The following MYO16 variants were observed in gnomAD, a reference collection of about 807,000 sequenced individuals.
The protein encoded by MYO16 is unconventional myosin-XVI.
A neutral mutation model predicts 205.3 loss-of-function variants in MYO16; 94 were observed. The observed-to-expected ratio is 0.46, with a 90% CI of 0.39 to 0.54. The LOEUF (loss-of-function observed/expected upper bound fraction) is 0.54. Ranked by LOEUF, MYO16 falls within the 20% of genes least tolerant of loss-of-function variation. The pLI is 0.00. For missense variants in MYO16, 2,315 were observed against 2,387.5 expected (o/e 0.97, Z 0.63); for synonymous variants, 988 against 954.0 (o/e 1.04, Z -0.66).
intron 32 of MYO16, among the ~76,000 whole-genome samples, chr13:109,154,902 G>A (rs1007612828): frequency 2.1e-5 from 2 of 93,174 alleles, no homozygotes; most frequent in Non-Finnish European, 4.0e-5. Flanking sequence ...TGCATACTCG[G>A]CTAATTATGA....
At chr13:109,092,690 A>G (rs1888659551) in intron 27 of MYO16, among the ~76,000 whole-genome samples, 1 of 152,214 alleles carries the variant, frequency 6.6e-6, no homozygotes, top group South Asian at 2.1e-4. Flanking sequence ...TACCTATGTA[A>G]CAAACCTTCA....
At chr13:109,152,168 A>G (rs1337083125) in intron 32 of MYO16, among the ~76,000 whole-genome samples, 5 of 152,230 alleles carry the variant, frequency 3.3e-5, no homozygotes, top group Non-Finnish European at 5.9e-5. Flanking sequence ...ACCTTTGTAT[A>G]TATTACCAGT....
intron 18 of MYO16, among the ~76,000 whole-genome samples, chr13:108,961,908 G>T (rs984473475): frequency 3.9e-5 from 6 of 152,020 alleles, no homozygotes; most frequent in Non-Finnish European, 8.8e-5. Flanking sequence ...GCACATACTT[G>T]TTGTTTATTT....
intron 4 of MYO16, among the ~76,000 whole-genome samples, chr13:108,734,330 T>A (rs1884621716): frequency 2.6e-5 from 4 of 152,198 alleles, no homozygotes. Context: ...AGTGTGCAAT[T>A]AATTTCTATT....
chr13:109,137,511 T>A (rs1876835145), intron 31 of MYO16, among the ~76,000 whole-genome samples: 1 of 152,230 alleles, frequency 6.6e-6, no homozygotes. Flanking sequence ...CAGGGGCTGC[T>A]ATGTTTTAGC....
At position 108,802,552 on chromosome 13, in the gene MYO16, T is replaced by C. The variant is rs115043743; in HGVS notation, c.742-4127T>C. Among the ~76,000 whole-genome samples the C allele has an allele frequency of 4.1e-3, 626 of 152,288 alleles. 6 individuals are homozygous for C. Among genetic ancestry groups the C allele is most frequent in the African/African-American group, 0.014 (601 of 41,554 alleles). On this transcript the variant is annotated intron_variant, in intron 6 of 34. Transcript: ENST00000457511. ...TGCAGTGAGCATGGGAGTATGAATA[T>C]CCCTATGACATAGCAACTTCCATTC...
At chr13:109,179,436 A>G in intron 33 of MYO16, 106 bp from the exon 34 acceptor site, 1 of 728,800 alleles carries the variant, frequency 1.4e-6, no homozygotes, top group African/African-American at 1.7e-5. Flanking sequence ...TCATCATTTC[A>G]ATTCATAAAA....
At chr13:108,752,814 T>TTC (rs1885282963) in intron 4 of MYO16, among the ~76,000 whole-genome samples, 1 of 141,840 alleles carries the variant, frequency 7.1e-6, no homozygotes, top group Non-Finnish European at 1.5e-5. Context: ...GCTAATTTTT[T>TTC]TTTTTTTTTT....
At chr13:108,770,294 T>A (rs1232433326) in intron 4 of MYO16, among the ~76,000 whole-genome samples, 2 of 152,178 alleles carry the variant, frequency 1.3e-5, no homozygotes, top group Non-Finnish European at 2.9e-5. Context: ...AGATTAGAAA[T>A]TTGTTTTATT....
At chr13:109,109,435 G>A (rs991633516) in intron 28 of MYO16, among the ~76,000 whole-genome samples, 2 of 152,112 alleles carry the variant, frequency 1.3e-5, no homozygotes, top group African/African-American at 4.8e-5. Context: ...TTTAGAGAGG[G>A]TAGAACATGA....
rs529386115 is a variant in MYO16, at chr13:109,151,365, T to G, written c.5164+9989T>G. 2.0e-5 allele frequency among the ~76,000 whole-genome samples: 3 copies of G among 152,320 alleles called. No individual in the cohort carries two copies. In the South Asian group the frequency reaches 6.2e-4, roughly 32 times the overall value. On this transcript the variant is annotated intron_variant, in intron 32 of 34. Coordinates refer to ENST00000457511, the MANE Select transcript of MYO16 (RefSeq NM_001198950.3). ...GGGCAATTAGTGGCCATTTGCAAAT[T>G]TAATAACACATGTTAATTATGACAA...
chr13:109,191,222 A>AG (rs1162205896), intron 34 of MYO16, among the ~76,000 whole-genome samples: 1 of 150,664 alleles, frequency 6.6e-6, no homozygotes, highest in South Asian at 2.1e-4. Flanking sequence ...TCTGTCTCGA[A>AG]AAAAAAAAAA....
At chr13:109,049,777 G>T (rs979646793) in intron 24 of MYO16, among the ~76,000 whole-genome samples, 2 of 151,986 alleles carry the variant, frequency 1.3e-5, no homozygotes, top group African/African-American at 2.4e-5. Flanking sequence ...TTTTGAAGTG[G>T]TTTTAAACTT....
intron 33 of MYO16, among the ~76,000 whole-genome samples, chr13:109,174,332 A>T (rs1594158653): frequency 6.6e-6 from 1 of 152,308 alleles, no homozygotes; most frequent in African/African-American, 2.4e-5. Flanking sequence ...TCCAGGATAG[A>T]AAGAGAAAAG....
chr13:109,022,622 A>ATATATT (rs1267435609), intron 23 of MYO16, among the ~76,000 whole-genome samples: 35 of 131,256 alleles, frequency 2.7e-4, no homozygotes, highest in African/African-American at 9.5e-4. Context: ...AAACATATGT[A>ATATATT]TATATATTAT....
chr13:108,646,705 A>C (rs1456700782), intron 1 of MYO16, among the ~76,000 whole-genome samples: 1 of 152,200 alleles, frequency 6.6e-6, no homozygotes, highest in Admixed American at 6.5e-5. Context: ...TTGTGCTATG[A>C]AAGTATTCTG....
chr13:108,713,902 G>A (rs1331063234), intron 3 of MYO16, among the ~76,000 whole-genome samples: 1 of 152,074 alleles, frequency 6.6e-6, no homozygotes, highest in African/African-American at 2.4e-5. Context: ...TCCTCATATG[G>A]CTTCCATGAT....
At chr13:108,618,924 A>G (rs934566243) in intron 1 of MYO16, among the ~76,000 whole-genome samples, 5 of 152,174 alleles carry the variant, frequency 3.3e-5, no homozygotes, top group Non-Finnish European at 5.9e-5. Flanking sequence ...TACGTGTGCA[A>G]CCACCACGAG....
At position 108,752,808 on chromosome 13, in the gene MYO16, A is replaced by ATTTT. The variant is rs58645882; in HGVS notation, c.507+25247_507+25250dup. Among the ~76,000 whole-genome samples, 879 of 88,304 alleles carry ATTTT rather than the reference A, an allele frequency of 1.0e-2. 58 individuals are homozygous for ATTTT. Among genetic ancestry groups the ATTTT allele is most frequent in the Admixed American group, 0.017 (122 of 7,170 alleles). The allele number at this position is 88,304 out of a possible 152,430, so 57.9% of individuals were successfully genotyped here. On this transcript the variant is annotated intron_variant, in intron 4 of 34. Coordinates refer to ENST00000457511, the MANE Select transcript of MYO16 (RefSeq NM_001198950.3). Reference sequence around the variant, plus strand: ...AGACACCTGCCACCGTGCCCAGCTAATTTTTTTTTTTTTTTTTTTTTTTTT... The same window carrying ATTTT: ...AGACACCTGCCACCGTGCCCAGCTAATTTTTTTTTTTTTTTTTTTTTTTTTTTTT...
Sources: gnomAD v4.1 joint callset for allele counts (sites outside exome capture counted in the v4.1 genomes callset) on GRCh38, gnomAD v4.1.1 for gene constraint, MANE v1.5 for transcripts, NCBI Gene and HGNC (gene_info 2026-07-23, HGNC 2026-07-21) for gene names.